The following MAD1L1 variants were observed in gnomAD, a reference collection of about 807,000 sequenced individuals.
MAD1L1 encodes the protein mitotic arrest deficient 1 like 1.
MAD1L1 carries 95 observed loss-of-function variants against 96.9 expected under a neutral mutation model. That is an observed-to-expected ratio of 0.98 (90% CI 0.83 to 1.16). MAD1L1 has a LOEUF of 1.16. Ranked by LOEUF, MAD1L1 falls within the 50% of genes most tolerant of loss-of-function variation. The pLI is 0.00. For missense variants in MAD1L1, 1,007 were observed against 954.4 expected, an observed-to-expected ratio of 1.06 and a Z score of -0.73; for synonymous variants, 473 against 396.6, an observed-to-expected ratio of 1.19 and a Z score of -2.29.
chr7:1,986,557 G>A (rs909706791), intron 14 of MAD1L1, among the ~76,000 whole-genome samples: 3 of 151,004 alleles, frequency 2.0e-5, no homozygotes, highest in African/African-American at 4.9e-5. Flanking sequence ...TCTACTCCGC[G>A]GCTCCCTCAT....
intron 18 of MAD1L1, among the ~76,000 whole-genome samples, chr7:1,892,794 A>T (rs1786630442): frequency 6.6e-6 from 1 of 152,240 alleles, no homozygotes; most frequent in South Asian, 2.1e-4. Flanking sequence ...GGCCCTGGAC[A>T]GCAAGGAATG....
At chr7:1,877,772 A>G (rs1290659420) in intron 18 of MAD1L1, among the ~76,000 whole-genome samples, 1 of 152,198 alleles carries the variant, frequency 6.6e-6, no homozygotes, top group Non-Finnish European at 1.5e-5. Context: ...TCAGAACAAG[A>G]ATATTTAAGA....
chr7:1,987,397 T>G (rs1259470176), intron 14 of MAD1L1, among the ~76,000 whole-genome samples: 2 of 152,088 alleles, frequency 1.3e-5, no homozygotes, highest in East Asian at 3.9e-4. Flanking sequence ...ACGTCCAGCG[T>G]GTGTGCGGCC....
intron 18 of MAD1L1, among the ~76,000 whole-genome samples, chr7:1,886,201 G>A (rs73288728): frequency 2.0e-4 from 30 of 152,224 alleles, no homozygotes; most frequent in Non-Finnish European, 3.8e-4. Flanking sequence ...GCTAGTCACT[G>A]TCTAAGGGGC....
chr7:2,064,415 T>C (rs555911880), intron 12 of MAD1L1, among the ~76,000 whole-genome samples: 6 of 152,056 alleles, frequency 3.9e-5, no homozygotes, highest in African/African-American at 7.2e-5. Flanking sequence ...GAAGGCACCA[T>C]AGCATGGAGA....
intron 18 of MAD1L1, among the ~76,000 whole-genome samples, chr7:1,861,116 G>A (rs1784523587): frequency 6.6e-6 from 1 of 152,116 alleles, no homozygotes; most frequent in African/African-American, 2.4e-5. Flanking sequence ...GCCCCTGACT[G>A]GACAACTGCC....
At chr7:1,976,474 G>A (rs192035191) in intron 15 of MAD1L1, among the ~76,000 whole-genome samples, 8 of 152,290 alleles carry the variant, frequency 5.3e-5, no homozygotes, top group Admixed American at 1.3e-4. Flanking sequence ...TGGTCTTGCC[G>A]GCCTCAGGAG....
At chr7:1,999,686 T>G (rs1360906228) in intron 14 of MAD1L1, among the ~76,000 whole-genome samples, 1 of 152,106 alleles carries the variant, frequency 6.6e-6, no homozygotes, top group Non-Finnish European at 1.5e-5. Context: ...GTCACTACAG[T>G]AAGGCTCCCT....
intron 18 of MAD1L1, among the ~76,000 whole-genome samples, chr7:1,818,731 C>T (rs1443689483): frequency 3.3e-5 from 5 of 152,134 alleles, no homozygotes; most frequent in East Asian, 3.9e-4. Flanking sequence ...ACCCCGCCAG[C>T]GTCAGCAAGA....
intron 11 of MAD1L1, among the ~76,000 whole-genome samples, chr7:2,139,192 T>C (rs1482049988): frequency 6.6e-6 from 1 of 151,928 alleles, no homozygotes; most frequent in Admixed American, 6.5e-5. Flanking sequence ...CCCCACACCA[T>C]GTCCACAGCC....
At chr7:1,884,481 G>A (rs1026031202) in intron 18 of MAD1L1, among the ~76,000 whole-genome samples, 3 of 152,200 alleles carry the variant, frequency 2.0e-5, no homozygotes, top group East Asian at 1.9e-4. Flanking sequence ...GGGCCTAGCC[G>A]GGATTCCCCA....
In MAD1L1 at chr7:2,089,750, C is replaced by T. The variant is rs867679618; in HGVS notation, c.1074-20412G>A. 5.9e-5 allele frequency among the ~76,000 whole-genome samples: 9 copies of T among 152,046 alleles called. No homozygotes were observed. The South Asian group carries it at 8.3e-4, about 14-fold the overall frequency. ...CCGGGGCCCACCCCATCACGTGCAT[C>T]GTGTTTAATCACACTTCCAAGTGCA... On this transcript the variant is annotated intron_variant, in intron 11 of 18. Coordinates refer to ENST00000265854, the MANE Select transcript of MAD1L1 (RefSeq NM_001013836.2).
chr7:1,841,985 C>T (rs779786087), intron 18 of MAD1L1, among the ~76,000 whole-genome samples: 12 of 152,242 alleles, frequency 7.9e-5, no homozygotes, highest in Non-Finnish European at 1.5e-4. Flanking sequence ...CCGCGCTCGG[C>T]CGCCATCTTC....
chr7:2,081,048 T>G (rs1002886209), intron 11 of MAD1L1, among the ~76,000 whole-genome samples: 3 of 152,154 alleles, frequency 2.0e-5, no homozygotes, highest in Admixed American at 6.5e-5. Context: ...AGAAGATGCC[T>G]GAGCCCAGGA....
intron 10 of MAD1L1, among the ~76,000 whole-genome samples, chr7:2,187,204 C>A (rs1791503293): frequency 2.6e-5 from 4 of 151,856 alleles, no homozygotes; most frequent in Non-Finnish European, 5.9e-5. Context: ...CAAAAATTAG[C>A]CAGGCATGGT....
At chr7:1,934,672 C>G (rs1307120900) in intron 17 of MAD1L1, among the ~76,000 whole-genome samples, 1 of 148,810 alleles carries the variant, frequency 6.7e-6, no homozygotes, top group East Asian at 2.0e-4. Flanking sequence ...GGGGAACGAA[C>G]AGATGGGCGA....
rs369076892 is a variant in MAD1L1 at position 2,216,145 on chromosome 7, G to A, written c.809+12C>T. The A allele has an allele frequency of 7.4e-5, 119 of 1,610,946 alleles. 1 individual carries two copies. The African/African-American group carries it at 1.2e-3, about 16-fold the overall frequency. The stretch of plus-strand genomic sequence containing the variant: ...ACTCGAGGCGGCTGCCCCATCCCCC[G>A]CAACCCCTCACCGCAGGTGCGCGCT... On this transcript the variant is annotated intron_variant, in intron 8 of 18. Transcript: ENST00000265854.
chr7:1,831,546 G>C (rs6962703), intron 18 of MAD1L1, among the ~76,000 whole-genome samples: 8,414 of 152,232 alleles, frequency 0.055, 545 homozygotes, highest in African/African-American at 0.16. Flanking sequence ...AAAAGCTAGA[G>C]ATAATTAGGT....
intron 12 of MAD1L1, among the ~76,000 whole-genome samples, chr7:2,028,350 A>T (rs550992935): frequency 1.3e-5 from 2 of 150,236 alleles, no homozygotes; most frequent in South Asian, 4.2e-4. Context: ...GCGCGAACCC[A>T]GGAGGCAGAG....
Sources: gnomAD v4.1 joint callset for allele counts (sites outside exome capture counted in the v4.1 genomes callset) on GRCh38, gnomAD v4.1.1 for gene constraint, MANE v1.5 for transcripts, NCBI Gene and HGNC (gene_info 2026-07-23, HGNC 2026-07-21) for gene names.